GPHN: variants seen among roughly 807,000 people sequenced by gnomAD.
The protein encoded by GPHN is gephyrin.
A neutral mutation model predicts 95.5 loss-of-function variants in GPHN; 17 were observed. That is an observed-to-expected ratio of 0.18 (90% CI 0.12 to 0.27). The LOEUF (loss-of-function observed/expected upper bound fraction) is 0.27, where lower values mean the gene tolerates loss of function less well. GPHN is among the 10% of genes least tolerant of loss of function. The pLI, the probability that GPHN is intolerant of heterozygous loss-of-function variation, is 1.00. For synonymous variants in GPHN, 320 were observed against 322.5 expected, an observed-to-expected ratio of 0.99 and a Z score of 0.08; for missense variants, 660 against 978.1, an observed-to-expected ratio of 0.67 and a Z score of 4.34.
chr14:67,541,727 C>T, the GPHN span: 1 of 725,640 alleles, frequency 1.4e-6, no homozygotes. Context: ...GTTTTCTCTT[C>T]CCCAGCCCTG....
intron 1 of GPHN, among the ~76,000 whole-genome samples, chr14:66,611,208 T>A (rs1238638011): frequency 6.6e-6 from 1 of 152,158 alleles, no homozygotes; most frequent in Non-Finnish European, 1.5e-5. Context: ...TAGTTACATG[T>A]TTCCCTCTTT....
the GPHN span, among the ~76,000 whole-genome samples, chr14:67,636,615 A>T: frequency 6.6e-6 from 1 of 152,224 alleles, no homozygotes; most frequent in Non-Finnish European, 1.5e-5. Flanking sequence ...GCCTGGTTGC[A>T]TCATTCTGTT....
At chr14:67,579,448 C>A in the GPHN span, 1 of 766,396 alleles carries the variant, frequency 1.3e-6, no homozygotes, top group Non-Finnish European at 2.0e-6. Flanking sequence ...ACTGCATGAA[C>A]AGGGAAGCTG....
chr14:66,912,095 C>G (rs1436122960), intron 5 of GPHN, among the ~76,000 whole-genome samples: 3 of 152,102 alleles, frequency 2.0e-5, no homozygotes, highest in Non-Finnish European at 4.4e-5. Flanking sequence ...TCACTCTCCA[C>G]TGTAGATAAA....
At chr14:67,257,061 T>C in the GPHN span, among the ~76,000 whole-genome samples, 2 of 152,002 alleles carry the variant, frequency 1.3e-5, no homozygotes, top group Admixed American at 6.6e-5. Context: ...AATATGTACG[T>C]TGGTTTGATC....
chr14:66,850,185 A>G (rs1334644565), intron 4 of GPHN, among the ~76,000 whole-genome samples: 1 of 152,172 alleles, frequency 6.6e-6, no homozygotes, highest in Non-Finnish European at 1.5e-5. Flanking sequence ...CTGGAAAATA[A>G]TGTATAATTT....
At chr14:66,925,187 A>T (rs958575699) in intron 8 of GPHN, among the ~76,000 whole-genome samples, 6 of 152,138 alleles carry the variant, frequency 3.9e-5, no homozygotes, top group African/African-American at 1.2e-4. Flanking sequence ...CATGTGAGAT[A>T]TTTTGATACA....
intron 16 of GPHN, among the ~76,000 whole-genome samples, chr14:67,115,241 T>TA (rs140697873): frequency 0.049 from 7,026 of 144,210 alleles, 160 homozygotes; most frequent in Middle Eastern, 0.061. Context: ...AAATTGGTGA[T>TA]AAAAAAAAAA....
chr14:66,816,819 A>G (rs1451844396), intron 3 of GPHN, among the ~76,000 whole-genome samples: 1 of 152,182 alleles, frequency 6.6e-6, no homozygotes, highest in African/African-American at 2.4e-5. Flanking sequence ...GAACTCAAAG[A>G]GATTGAGACA....
chr14:66,736,888 T>C (rs1016421415), intron 2 of GPHN, among the ~76,000 whole-genome samples: 3 of 152,198 alleles, frequency 2.0e-5, no homozygotes, highest in African/African-American at 7.2e-5. Context: ...TCTTTCTTTT[T>C]ATCTCTCTTT....
the GPHN span, among the ~76,000 whole-genome samples, chr14:67,273,363 A>G: frequency 1.9e-3 from 295 of 152,136 alleles, 1 homozygote; most frequent in Non-Finnish European, 3.6e-3. Flanking sequence ...ATGAGTGAGA[A>G]CATGCAGTGT....
intron 2 of GPHN, among the ~76,000 whole-genome samples, chr14:66,681,953 A>G (rs574985016): frequency 5.9e-5 from 9 of 152,350 alleles, no homozygotes; most frequent in African/African-American, 2.2e-4. Flanking sequence ...ACAATTAAAT[A>G]TGTCCTAATA....
At chr14:66,590,893 T>C (rs2061612512) in intron 1 of GPHN, among the ~76,000 whole-genome samples, 2 of 152,096 alleles carry the variant, frequency 1.3e-5, no homozygotes, top group East Asian at 1.9e-4. Flanking sequence ...TGAACATCAA[T>C]GCAAAAATCC....
chr14:66,980,967 T>C (rs1208912832), intron 9 of GPHN, among the ~76,000 whole-genome samples: 1 of 152,180 alleles, frequency 6.6e-6, no homozygotes, highest in Non-Finnish European at 1.5e-5. Flanking sequence ...GAGAATCACT[T>C]GAACCCGGGA....
the GPHN span, among the ~76,000 whole-genome samples, chr14:67,657,617 C>CAT: frequency 1.5e-4 from 23 of 151,344 alleles, no homozygotes; most frequent in Middle Eastern, 3.4e-3. Flanking sequence ...CACACACACA[C>CAT]ACACACCCAA....
At chr14:66,634,329 T>G (rs1432393230) in intron 1 of GPHN, among the ~76,000 whole-genome samples, 1 of 152,154 alleles carries the variant, frequency 6.6e-6, no homozygotes, top group African/African-American at 2.4e-5. Flanking sequence ...TGGTTCTCGG[T>G]GATTGCAATG....
the GPHN span, among the ~76,000 whole-genome samples, chr14:67,327,031 C>T: frequency 1.4e-4 from 21 of 152,180 alleles, no homozygotes; most frequent in African/African-American, 4.6e-4. Flanking sequence ...AAAAGTTAGC[C>T]GGGTGTGGTG....
intron 1 of GPHN, among the ~76,000 whole-genome samples, chr14:66,637,295 C>T (rs143908346): frequency 1.1e-3 from 160 of 152,124 alleles, no homozygotes; most frequent in African/African-American, 3.7e-3. Flanking sequence ...TTATGTAACC[C>T]GGATTTTTAA....
chr14:66,891,554 AG>A (rs143322184), intron 5 of GPHN, among the ~76,000 whole-genome samples: 1,833 of 152,216 alleles, frequency 0.012, 19 homozygotes, highest in Non-Finnish European at 0.018. Context: ...AAAAAAACAT[AG>A]GGGGACAGCT....
Sources: gnomAD v4.1 joint callset for allele counts (sites outside exome capture counted in the v4.1 genomes callset) on GRCh38, gnomAD v4.1.1 for gene constraint, MANE v1.5 for transcripts, NCBI Gene and HGNC (gene_info 2026-07-23, HGNC 2026-07-21) for gene names.